Variants in MITF observed in about 807,000 individuals in gnomAD.
MITF encodes microphthalmia-associated transcription factor.
Under a neutral mutation model 60.5 loss-of-function variants are expected in MITF, and 17 were observed. The observed-to-expected ratio is 0.28, with a 90% CI of 0.19 to 0.42. The LOEUF (loss-of-function observed/expected upper bound fraction) is 0.42. MITF is among the 10% of genes least tolerant of loss of function. The probability of loss-of-function intolerance (pLI) is 1.00; values close to 1 mark genes in which losing one functional copy is unlikely to be tolerated. For missense variants in MITF, 622 were observed against 683.5 expected, an observed-to-expected ratio of 0.91 and a Z score of 1.00; for synonymous variants, 260 against 248.5, an observed-to-expected ratio of 1.05 and a Z score of -0.43.
chr3:69,899,556 A>G (rs1268791405), intron 2 of MITF, among the ~76,000 whole-genome samples: 5 of 152,192 alleles, frequency 3.3e-5, no homozygotes, highest in East Asian at 1.9e-4. Flanking sequence ...ACATGGGTAC[A>G]TGGCACGGAG....
At chr3:69,942,467 CTTTTT>C (rs112714072) in intron 5 of MITF, among the ~76,000 whole-genome samples, 1 of 149,086 alleles carries the variant, frequency 6.7e-6, no homozygotes, top group Non-Finnish European at 1.5e-5. Context: ...ATTTTCTTTT[CTTTTT>C]TTTTTAAATC....
intron 1 of MITF, among the ~76,000 whole-genome samples, chr3:69,744,903 ATATT>A (rs1276518935): frequency 6.6e-6 from 1 of 152,230 alleles, no homozygotes; most frequent in Non-Finnish European, 1.5e-5. Context: ...TGTTCAACAC[ATATT>A]TATTGAGTCC....
chr3:69,920,281 A>T (rs936442469), intron 2 of MITF, among the ~76,000 whole-genome samples: 4 of 152,082 alleles, frequency 2.6e-5, no homozygotes, highest in African/African-American at 9.7e-5. Flanking sequence ...AAGGAACAAC[A>T]CCCACTACTT....
chr3:69,870,416 ATGTG>A (rs1009452684), intron 1 of MITF, among the ~76,000 whole-genome samples: 2 of 147,784 alleles, frequency 1.4e-5, no homozygotes, highest in African/African-American at 5.0e-5. Flanking sequence ...GTATATATAT[ATGTG>A]TGTGTATATA....
chr3:69,925,636 C>T (rs1203253555), intron 2 of MITF, among the ~76,000 whole-genome samples: 1 of 152,186 alleles, frequency 6.6e-6, no homozygotes, highest in Non-Finnish European at 1.5e-5. Flanking sequence ...CTTTCAATGG[C>T]CTGCAAAGCC....
chr3:69,745,429 A>C (rs946770171), intron 1 of MITF, among the ~76,000 whole-genome samples: 5 of 152,214 alleles, frequency 3.3e-5, no homozygotes, highest in African/African-American at 9.6e-5. Flanking sequence ...CAGGGTGGGC[A>C]TCAGCAGTTG....
At chr3:69,905,732 C>A (rs1005583920) in intron 2 of MITF, among the ~76,000 whole-genome samples, 2 of 151,552 alleles carry the variant, frequency 1.3e-5, no homozygotes, top group African/African-American at 4.9e-5. Context: ...TTTAAATTTG[C>A]ATTTCCCTAA....
At chr3:69,874,629 G>A (rs1291285700) in intron 1 of MITF, among the ~76,000 whole-genome samples, 3 of 152,170 alleles carry the variant, frequency 2.0e-5, no homozygotes, top group African/African-American at 4.8e-5. Context: ...TAAAGGAAAC[G>A]CAAGGAAAAG....
Position 69,959,270 on chromosome 3 carries a change from CAG to C in MITF, c.1033_1034del. Reference sequence around the variant, plus strand: ...TATCTGTTTTCCTCCATTTTCATCGCAGAGACATGCGCTGGAACAAGGGAACC... The same window carrying C: ...TATCTGTTTTCCTCCATTTTCATCGCAGACATGCGCTGGAACAAGGGAACC... On this transcript the variant is annotated splice_acceptor_variant, in intron 8 of 9. Transcript: ENST00000352241. LOFTEE classifies it high-confidence loss of function. The C allele has an allele frequency of 6.2e-7, 1 of 1,613,982 alleles. No homozygotes were observed. The highest frequency in any genetic ancestry group is 1.1e-5 in the South Asian group (1 of 91,080).
At chr3:69,906,096 A>G (rs1041087078) in intron 2 of MITF, among the ~76,000 whole-genome samples, 1 of 152,174 alleles carries the variant, frequency 6.6e-6, no homozygotes, top group African/African-American at 2.4e-5. Context: ...AGAATGTTAT[A>G]GTTTTAAGTT....
intron 1 of MITF, among the ~76,000 whole-genome samples, chr3:69,817,610 A>C (rs556980557): frequency 2.0e-5 from 3 of 152,270 alleles, no homozygotes; most frequent in Non-Finnish European, 4.4e-5. Flanking sequence ...GAGGGAGAGC[A>C]GGCAAGAATT....
At chr3:69,777,491 G>GATTATAATAC (rs2062493036) in intron 1 of MITF, among the ~76,000 whole-genome samples, 2 of 152,192 alleles carry the variant, frequency 1.3e-5, no homozygotes, top group African/African-American at 4.8e-5. Context: ...TTATAATACA[G>GATTATAATAC]AGTACAAATG....
chr3:69,909,733 A>G (rs2065181847), intron 2 of MITF, among the ~76,000 whole-genome samples: 1 of 152,186 alleles, frequency 6.6e-6, no homozygotes, highest in African/African-American at 2.4e-5. Context: ...GAAACTTGAC[A>G]GAGATGATTT....
At chr3:69,830,153 G>GCTTT (rs1327723031) in intron 1 of MITF, among the ~76,000 whole-genome samples, 11 of 152,110 alleles carry the variant, frequency 7.2e-5, no homozygotes, top group African/African-American at 2.7e-4. Context: ...AGGTTCCCTT[G>GCTTT]CTTTCATCAG....
intron 1 of MITF, among the ~76,000 whole-genome samples, chr3:69,752,858 G>C (rs1033620770): frequency 6.6e-6 from 1 of 152,148 alleles, no homozygotes; most frequent in Admixed American, 6.5e-5. Context: ...CCCACCACGT[G>C]AGATGCCTCA....
chr3:69,775,071 C>A (rs1286911333), intron 1 of MITF, among the ~76,000 whole-genome samples: 1 of 152,184 alleles, frequency 6.6e-6, no homozygotes, highest in African/African-American at 2.4e-5. Context: ...TTAAAGGTTG[C>A]TTCCCAACCC....
intron 1 of MITF, among the ~76,000 whole-genome samples, chr3:69,785,434 A>G (rs1374297543): frequency 6.6e-6 from 1 of 152,128 alleles, no homozygotes; most frequent in African/African-American, 2.4e-5. Context: ...TTTTACAGAT[A>G]CTCATCTGCA....
intron 2 of MITF, among the ~76,000 whole-genome samples, chr3:69,932,290 A>C (rs1163667028): frequency 6.6e-6 from 1 of 152,202 alleles, no homozygotes; most frequent in African/African-American, 2.4e-5. Flanking sequence ...ATGTCAACTA[A>C]TGGGTGTGGC....
chr3:69,777,610 T>C (rs1057107674), intron 1 of MITF, among the ~76,000 whole-genome samples: 1 of 152,164 alleles, frequency 6.6e-6, no homozygotes, highest in Non-Finnish European at 1.5e-5. Context: ...GAAGTGCTAA[T>C]GGTCGCATCA....
Sources: allele counts gnomAD v4.1 joint callset (sites outside exome capture counted in the v4.1 genomes callset), GRCh38; gene constraint gnomAD v4.1.1; transcripts MANE v1.5; gene names NCBI Gene and HGNC (gene_info 2026-07-23, HGNC 2026-07-21).